Variants in DPH6 observed in about 807,000 individuals in gnomAD.
DPH6 encodes diphthine--ammonia ligase.
A neutral mutation model predicts 38.2 loss-of-function variants in DPH6; 33 were observed. The ratio of observed to expected loss-of-function variants is 0.86; its 90% CI spans 0.65 to 1.15. The LOEUF (loss-of-function observed/expected upper bound fraction) is 1.15, where lower values mean the gene tolerates loss of function less well. Among genes scored for constraint, DPH6 ranks in the 50% most tolerant of loss-of-function variants. DPH6 has a pLI of 0.00. For synonymous variants in DPH6, 108 were observed against 103.0 expected (o/e 1.05, Z -0.30); for missense variants, 325 against 320.0 (o/e 1.02, Z -0.12).
chr15:35,421,804 A>G (rs965196968), intron 5 of DPH6, among the ~76,000 whole-genome samples: 2 of 152,126 alleles, frequency 1.3e-5, no homozygotes, highest in Admixed American at 6.6e-5. Context: ...AATTCAAACA[A>G]AACAATGATA....
chr15:35,283,127 CTCT>C (rs1287002379), intron 3 of DPH6: 1 of 155,146 alleles, frequency 6.4e-6, no homozygotes, highest in East Asian at 1.9e-4. Context: ...TCTCCTTCTC[CTCT>C]TCTCTTCTTC....
intron 3 of DPH6, among the ~76,000 whole-genome samples, chr15:35,338,616 C>G (rs1025559161): frequency 6.6e-6 from 1 of 152,210 alleles, no homozygotes; most frequent in East Asian, 1.9e-4. Context: ...TTGTGGAAGT[C>G]AGTGTGGCGA....
intron 3 of DPH6, chr15:35,520,982 T>C (rs1277935419): frequency 2.0e-6 from 2 of 985,018 alleles, no homozygotes; most frequent in East Asian, 1.1e-4. Flanking sequence ...TGTTACAAAT[T>C]CTCCAGTAAT....
chr15:35,154,627 C>T, the DPH6 span, among the ~76,000 whole-genome samples: 19 of 152,268 alleles, frequency 1.2e-4, no homozygotes, highest in Non-Finnish European at 2.2e-4. Flanking sequence ...CAAATGTGAA[C>T]CCAGTATGAA....
intron 3 of DPH6, among the ~76,000 whole-genome samples, chr15:35,464,071 G>A (rs780422680): frequency 1.1e-4 from 17 of 152,064 alleles, no homozygotes; most frequent in African/African-American, 3.4e-4. Context: ...CAAGGCAGGC[G>A]GATCACAAGG....
intron 3 of DPH6, among the ~76,000 whole-genome samples, chr15:35,264,838 T>C (rs932567482): frequency 6.6e-6 from 1 of 152,216 alleles, no homozygotes; most frequent in African/African-American, 2.4e-5. Flanking sequence ...CAAGATGTTC[T>C]GAGAGAAGAA....
chr15:35,296,836 C>T (rs1053823678), intron 3 of DPH6, among the ~76,000 whole-genome samples: 4 of 115,274 alleles, frequency 3.5e-5, no homozygotes, highest in Admixed American at 1.9e-4. Context: ...CTCGCTCTGT[C>T]GCCCAGGCCG....
chr15:35,196,324 T>G, the DPH6 span, among the ~76,000 whole-genome samples: 10 of 152,200 alleles, frequency 6.6e-5, no homozygotes, highest in East Asian at 3.9e-4. Flanking sequence ...TTGTCATTTT[T>G]TAAATCAATA....
intron 5 of DPH6, among the ~76,000 whole-genome samples, chr15:35,441,364 T>C (rs1366506197): frequency 1.3e-5 from 2 of 152,228 alleles, no homozygotes; most frequent in Non-Finnish European, 2.9e-5. Flanking sequence ...TGCACATGTA[T>C]GTTTACTGCA....
the DPH6 span, among the ~76,000 whole-genome samples, chr15:35,207,010 T>C: frequency 6.7e-6 from 1 of 149,524 alleles, no homozygotes; most frequent in East Asian, 2.0e-4. Context: ...AATACTTAAT[T>C]TGAAACTGTC....
intron 3 of DPH6, chr15:35,282,866 A>T: frequency 2.9e-6 from 1 of 340,616 alleles, no homozygotes; most frequent in Non-Finnish European, 6.1e-6. Flanking sequence ...CTTAAGGTGG[A>T]TGAAGACCCC....
At chr15:35,359,898 T>G (rs1214584921) in intron 3 of DPH6, among the ~76,000 whole-genome samples, 2 of 152,152 alleles carry the variant, frequency 1.3e-5, no homozygotes, top group African/African-American at 4.8e-5. Flanking sequence ...AACTTCCCAT[T>G]TTATTCATGT....
intron 3 of DPH6, among the ~76,000 whole-genome samples, chr15:35,272,534 G>T (rs1434027098): frequency 1.2e-4 from 18 of 151,992 alleles, no homozygotes; most frequent in Admixed American, 1.2e-3. Flanking sequence ...GGGTCATGGG[G>T]GTGGATCCCT....
intron 3 of DPH6, among the ~76,000 whole-genome samples, chr15:35,303,318 ATAAAATATTT>A (rs2052066893): frequency 6.6e-6 from 1 of 151,784 alleles, no homozygotes; most frequent in Non-Finnish European, 1.5e-5. Flanking sequence ...TTTATTAAAT[ATAAAATATTT>A]TAAAATATTT....
chr15:35,481,718 T>C (rs961474193), intron 3 of DPH6, among the ~76,000 whole-genome samples: 1 of 152,036 alleles, frequency 6.6e-6, no homozygotes, highest in Non-Finnish European at 1.5e-5. Flanking sequence ...GGGAAGTAAA[T>C]GGATATATAA....
intron 3 of DPH6, among the ~76,000 whole-genome samples, chr15:35,304,601 A>G (rs1175336741): frequency 6.6e-6 from 1 of 152,102 alleles, no homozygotes; most frequent in Admixed American, 6.5e-5. Context: ...ATTCATCTCT[A>G]TGTGTGTCGG....
At chr15:35,519,804 A>G in intron 3 of DPH6, 1 of 152,252 alleles carries the variant, frequency 6.6e-6, no homozygotes, top group East Asian at 1.9e-4. Flanking sequence ...TAATTTCTCT[A>G]AAGGGTCAAA....
At chr15:35,500,139 T>C (rs570623021) in intron 3 of DPH6, among the ~76,000 whole-genome samples, 1 of 152,302 alleles carries the variant, frequency 6.6e-6, no homozygotes, top group South Asian at 2.1e-4. Flanking sequence ...TCCAAGATAA[T>C]AAATATATCA....
At chr15:35,435,049 C>G (rs2053679854) in intron 5 of DPH6, among the ~76,000 whole-genome samples, 1 of 151,630 alleles carries the variant, frequency 6.6e-6, no homozygotes, top group African/African-American at 2.4e-5. Flanking sequence ...ACTGGAATTA[C>G]AGGTGTGAGC....
Sources: gnomAD v4.1 joint callset for allele counts (sites outside exome capture counted in the v4.1 genomes callset) on GRCh38, gnomAD v4.1.1 for gene constraint, MANE v1.5 for transcripts, NCBI Gene and HGNC (gene_info 2026-07-23, HGNC 2026-07-21) for gene names.